Variants in ZNF112 observed in about 807,000 individuals in gnomAD.
ZNF112 encodes the protein zinc finger protein 112 (Y14).
In ZNF112, 37 loss-of-function variants were observed where a neutral mutation model predicts 77.7. That is an observed-to-expected ratio of 0.48 (90% CI 0.37 to 0.63). The LOEUF is 0.63. Ranked by LOEUF, ZNF112 falls within the 20% of genes least tolerant of loss-of-function variation. ZNF112 has a pLI of 0.00. For missense variants in ZNF112, 950 were observed against 1,077.4 expected, an observed-to-expected ratio of 0.88 and a Z score of 1.66; for synonymous variants, 333 against 363.6, an observed-to-expected ratio of 0.92 and a Z score of 0.96.
At chr19:44,360,955 G>A (rs2123227694), upstream of ZNF112, among the ~76,000 whole-genome samples, 1 of 152,246 alleles carries the variant, frequency 6.6e-6, no homozygotes, top group East Asian at 1.9e-4. Context: ...TACTCCAGAT[G>A]TCTATCGATG....
At position 44,327,949 on chromosome 19, in the gene ZNF112, G is replaced by T. The variant is rs772336929; in HGVS notation, c.2208C>A (p.Val736=). 6.8e-6 allele frequency: 11 copies of T among 1,613,016 alleles called. No individual in the cohort carries two copies. The highest frequency in any genetic ancestry group is 9.3e-6 in the Non-Finnish European group (11 of 1,179,770). Residue 736 remains valine, a synonymous_variant, in exon 4 of 4, where the codon GTC becomes GTA. Transcript: ENST00000354340. Reference sequence around the variant, plus strand: ...ATTTATACGGTTTCACTCTAGTGTGGACTCTCTGATGACCTTGAAGATATG... The same window carrying T: ...ATTTATACGGTTTCACTCTAGTGTGTACTCTCTGATGACCTTGAAGATATG... ...QRAYLQGHQR[V]HTRVKPYKCE... is the part of the protein sequence containing the mutation.
chr19:44,360,874 G>C (rs186915780), upstream of ZNF112, among the ~76,000 whole-genome samples: 651 of 152,266 alleles, frequency 4.3e-3, 1 homozygote, highest in Non-Finnish European at 7.1e-3. Flanking sequence ...AAACCTATAA[G>C]AAATGTGTAC....
rs569399296 is a variant in ZNF112 at position 44,338,452 on chromosome 19, G to A, written c.125-1734C>T. On this transcript the variant is annotated intron_variant, in intron 2 of 3. Transcript: ENST00000354340. Reference sequence around the variant, plus strand: ...TATAGTGGGGAAACTGCATAACATCGTGACTGGGTAATCAAAGTTAACACC... The same window carrying A: ...TATAGTGGGGAAACTGCATAACATCATGACTGGGTAATCAAAGTTAACACC... Among the ~76,000 whole-genome samples the A allele has an allele frequency of 7.2e-5, 11 of 152,256 alleles. No homozygotes were observed. The South Asian group carries it at 2.3e-3, about 32-fold the overall frequency.
chr19:44,350,921 C>A (rs1197063305), intron 1 of ZNF112, among the ~76,000 whole-genome samples: 1 of 152,066 alleles, frequency 6.6e-6, no homozygotes, highest in Admixed American at 6.6e-5. Context: ...GTATTAGTTT[C>A]TATTGCTGCT....
At chr19:44,338,553 T>C (rs538894887) in intron 2 of ZNF112, among the ~76,000 whole-genome samples, 1 of 152,326 alleles carries the variant, frequency 6.6e-6, no homozygotes, top group South Asian at 2.1e-4. Context: ...CTACATAGTG[T>C]TCCTGCTGCA....
In ZNF112 at chr19:44,328,666, C is replaced by A; in HGVS notation, c.1491G>T (p.Gly497=). 6.2e-7 allele frequency: 1 copy of A among 1,614,070 alleles called. No homozygotes were observed. ...GTTTTGAGCTCCAGTTGAAGCCATT[C>A]CCATGCTCCTTACGTGGTTTCTCTC... ...HIGEKPRKEH[G]NGFNWSSKLK... is the part of the protein sequence containing the mutation. Residue 497 remains glycine, a synonymous_variant, in exon 4 of 4, where the codon GGG becomes GGT. Transcript: ENST00000354340.
upstream of ZNF112, among the ~76,000 whole-genome samples, chr19:44,357,432 T>C (rs1237678233): frequency 1.3e-5 from 2 of 152,216 alleles, no homozygotes; most frequent in Non-Finnish European, 2.9e-5. Context: ...ATTTAAGGAA[T>C]ACAGGATCTC....
At chr19:44,359,544 G>A (rs1258323801), upstream of ZNF112, among the ~76,000 whole-genome samples, 1 of 151,768 alleles carries the variant, frequency 6.6e-6, no homozygotes, top group Non-Finnish European at 1.5e-5. Flanking sequence ...GGCTGGTGTT[G>A]AACTCCTGAC....
Position 44,327,179 on chromosome 19 carries a change from C to T in ZNF112, c.*254G>A. ...TCTAGAGAACATGGATTTAGGCATG[C>T]TCATCACTGTACTTTTATTAAATTC... On this transcript the variant is annotated 3_prime_UTR_variant, in exon 4 of 4. Coordinates refer to ENST00000354340, the MANE Select transcript of ZNF112 (RefSeq NM_013380.4). The T allele has an allele frequency of 5.4e-6, 2 of 370,210 alleles. No individual in the cohort carries two copies. The highest frequency in any genetic ancestry group is 9.7e-6 in the Non-Finnish European group (2 of 207,200). The allele number at this position is 370,210 out of a possible 1,614,324, so 22.9% of individuals were successfully genotyped here.
intron 1 of ZNF112, among the ~76,000 whole-genome samples, chr19:44,343,731 C>T (rs1970535353): frequency 6.6e-6 from 1 of 152,144 alleles, no homozygotes; most frequent in East Asian, 1.9e-4. Flanking sequence ...AAATCCAGAC[C>T]ACACAGTGCC....
At chr19:44,354,296 TACAA>T (rs1970746249) in intron 1 of ZNF112, among the ~76,000 whole-genome samples, 2 of 152,244 alleles carry the variant, frequency 1.3e-5, no homozygotes, top group South Asian at 4.1e-4. Flanking sequence ...GTAGTCGTTA[TACAA>T]ACTATGCCTG....
intron 3 of ZNF112, among the ~76,000 whole-genome samples, chr19:44,334,518 G>A (rs1044063926): frequency 6.6e-6 from 1 of 152,236 alleles, no homozygotes; most frequent in African/African-American, 2.4e-5. Flanking sequence ...AATGCCTCCA[G>A]GGCATTTCAG....
rs191968474 is a variant in ZNF112, at chr19:44,336,292, A to T, written c.220+331T>A. 2.7e-3 allele frequency among the ~76,000 whole-genome samples: 405 copies of T among 152,320 alleles called. 1 individual carries two copies. The highest frequency in any genetic ancestry group is 4.4e-3 in the Non-Finnish European group (300 of 68,020). On this transcript the variant is annotated intron_variant, in intron 3 of 3. Coordinates refer to ENST00000354340, the MANE Select transcript of ZNF112 (RefSeq NM_013380.4). ...GGGTGAATTGAAGAGAGCAAAGATC[A>T]TGCATCTATTACCCAATTCATTCAG...
At chr19:44,358,867 C>T (rs1970825446), upstream of ZNF112, among the ~76,000 whole-genome samples, 1 of 152,030 alleles carries the variant, frequency 6.6e-6, no homozygotes, top group African/African-American at 2.4e-5. Flanking sequence ...TCCCGACCTC[C>T]ACACCCCCAA....
chr19:44,333,265 GTCT>G (rs961877136), intron 3 of ZNF112, among the ~76,000 whole-genome samples: 106 of 151,996 alleles, frequency 7.0e-4, no homozygotes, highest in African/African-American at 2.9e-4. Context: ...CTTTGTTTAT[GTCT>G]TCTTCTTCTT....
At chr19:44,343,290 G>C in intron 1 of ZNF112, 4 of 1,612,702 alleles carry the variant, frequency 2.5e-6, no homozygotes, top group Non-Finnish European at 3.4e-6. Context: ...TTTTTCTAGA[G>C]AAAGGCAGAG....
chr19:44,357,914 C>T (rs1283057039), upstream of ZNF112, among the ~76,000 whole-genome samples: 4 of 152,006 alleles, frequency 2.6e-5, no homozygotes, highest in Non-Finnish European at 5.9e-5. Flanking sequence ...GACATAACGA[C>T]CAATCTGTGA....
At position 44,329,213 on chromosome 19, in the gene ZNF112, T is replaced by C; in HGVS notation, c.944A>G (p.Tyr315Cys). Residue 315 changes from tyrosine to cysteine, a missense_variant, in exon 4 of 4, where the codon TAT (tyrosine) becomes TGT (cysteine). Physicochemically the swap from Tyr to Cys is radical, Grantham distance 194. Around this residue, in one of 3 missense-constraint regions of ZNF112, gnomAD observed 560 missense variants for 557.3 expected, o/e 1.00. Transcript: ENST00000354340. Reference protein sequence around the residue: ...DDIENSHLKSYQRVHTEEKPC... With the variant: ...DDIENSHLKSCQRVHTEEKPC... ...TTTCTCCTCTGTATGCACTCTCTGA[T>C]AGGATTTCAGATGTGAATTCTCAAT... The C allele has an allele frequency of 2.5e-6, 4 of 1,613,892 alleles. No homozygotes were observed. The highest frequency in any genetic ancestry group is 3.4e-6 in the Non-Finnish European group (4 of 1,179,990).
chr19:44,342,554 C>T (rs573156899), intron 1 of ZNF112, among the ~76,000 whole-genome samples: 7 of 152,254 alleles, frequency 4.6e-5, no homozygotes, highest in South Asian at 2.1e-4. Flanking sequence ...CGGTGGCTCA[C>T]GCCTGTAATC....
Sources: allele counts gnomAD v4.1 joint callset (sites outside exome capture counted in the v4.1 genomes callset), GRCh38; gene constraint gnomAD v4.1.1; regional missense constraint gnomAD v4.1.1; transcripts MANE v1.5; gene names NCBI Gene and HGNC (gene_info 2026-07-23, HGNC 2026-07-21).